PLXDC2: variants seen among roughly 807,000 people sequenced by gnomAD.
The protein encoded by PLXDC2 is plexin domain-containing protein 2.
Under a neutral mutation model 68.9 loss-of-function variants are expected in PLXDC2, and 40 were observed. The ratio of observed to expected loss-of-function variants is 0.58; its 90% CI spans 0.45 to 0.76. The LOEUF (loss-of-function observed/expected upper bound fraction) is 0.76, where lower values mean the gene tolerates loss of function less well. Ranked by LOEUF, PLXDC2 falls within the 30% of genes least tolerant of loss-of-function variation. The pLI, the probability that PLXDC2 is intolerant of heterozygous loss-of-function variation, is 0.00. For synonymous variants in PLXDC2, 243 were observed against 234.2 expected (o/e 1.04, Z -0.34); for missense variants, 644 against 661.9 (o/e 0.97, Z 0.30).
At chr10:19,871,971 T>C (rs1837547133) in intron 1 of PLXDC2, among the ~76,000 whole-genome samples, 1 of 152,120 alleles carries the variant, frequency 6.6e-6, no homozygotes, top group Admixed American at 6.5e-5. Flanking sequence ...AGCATTTCTG[T>C]CTTTTTTATT....
Position 20,227,382 on chromosome 10 carries a change from C to T in PLXDC2, c.1312+8280C>T, listed in dbSNP as rs550168906. On this transcript the variant is annotated intron_variant, in intron 12 of 13. Transcript: ENST00000377252. ...AATGAAATTACAAGAATAGGTGATA[C>T]TTGATCCAAGTTTTGAAGTATGGGC... 8.5e-5 allele frequency among the ~76,000 whole-genome samples: 13 copies of T among 152,198 alleles called. No homozygotes were observed. The East Asian group carries it at 2.5e-3, about 29-fold the overall frequency.
At chr10:20,033,373 A>G (rs1835531865) in intron 2 of PLXDC2, among the ~76,000 whole-genome samples, 1 of 152,028 alleles carries the variant, frequency 6.6e-6, no homozygotes, top group African/African-American at 2.4e-5. Flanking sequence ...ACATAAGGGG[A>G]TGCTGAAACA....
rs752630396 is a variant in PLXDC2 at position 20,001,816 on chromosome 10, G to C, written c.154G>C (p.Glu52Gln). The change falls in exon 2 of 14, where the codon GAG becomes CAG. Residue 52 changes from glutamate to glutamine, a missense_variant. This residue lies in a region of PLXDC2 where 201 missense variants were observed against 166.9 expected (regional missense o/e 1.20). Coordinates refer to ENST00000377252, the MANE Select transcript of PLXDC2 (RefSeq NM_032812.9). ...TACTCAGGCCTTCCCTCACACAGAG[G>C]AGGAGGTGGAAGTTGATTCACACGC... ...GVTQAFPHTE[E>Q]EVEVDSHAYS... 1 of 1,614,052 alleles carries C rather than the reference G, an allele frequency of 6.2e-7. No homozygotes were observed.
chr10:19,936,705 T>C (rs1833731046), intron 1 of PLXDC2, among the ~76,000 whole-genome samples: 1 of 152,192 alleles, frequency 6.6e-6, no homozygotes, highest in Non-Finnish European at 1.5e-5. Flanking sequence ...CATGGTGGAG[T>C]ATTTACGCCA....
chr10:20,224,021 C>T (rs967190009), intron 12 of PLXDC2, among the ~76,000 whole-genome samples: 3 of 147,424 alleles, frequency 2.0e-5, no homozygotes, highest in Non-Finnish European at 3.0e-5. Flanking sequence ...GTCCCCCAGG[C>T]TGGAGTGCAG....
At chr10:19,934,584 C>T (rs1833692952) in intron 1 of PLXDC2, among the ~76,000 whole-genome samples, 1 of 152,198 alleles carries the variant, frequency 6.6e-6, no homozygotes, top group Non-Finnish European at 1.5e-5. Flanking sequence ...CGACTCCATT[C>T]AATCTCCTAA....
intron 1 of PLXDC2, among the ~76,000 whole-genome samples, chr10:19,902,761 C>G (rs1452190997): frequency 1.3e-5 from 2 of 152,140 alleles, no homozygotes; most frequent in Non-Finnish European, 2.9e-5. Flanking sequence ...TGTTCTAGTT[C>G]TCAGGGAGAA....
chr10:19,950,015 T>G (rs1833966994), intron 1 of PLXDC2, among the ~76,000 whole-genome samples: 1 of 152,110 alleles, frequency 6.6e-6, no homozygotes, highest in Non-Finnish European at 1.5e-5. Flanking sequence ...GGAACATGCT[T>G]TAAAATAATA....
At chr10:20,126,925 T>C (rs1486399174) in intron 4 of PLXDC2, among the ~76,000 whole-genome samples, 1 of 148,332 alleles carries the variant, frequency 6.7e-6, no homozygotes, top group Non-Finnish European at 1.5e-5. Context: ...ATTATGTATG[T>C]ATATATTATG....
At chr10:20,234,164 A>T (rs554062917) in intron 12 of PLXDC2, among the ~76,000 whole-genome samples, 2 of 152,222 alleles carry the variant, frequency 1.3e-5, no homozygotes, top group East Asian at 3.9e-4. Context: ...GGGAACCTTA[A>T]CTTCTTCTTG....
intron 1 of PLXDC2, among the ~76,000 whole-genome samples, chr10:19,951,491 CAAAA>C (rs550058681): frequency 4.0e-5 from 6 of 151,868 alleles, no homozygotes; most frequent in African/African-American, 7.2e-5. Flanking sequence ...ATTTAAAAGT[CAAAA>C]AAACAACAGG....
chr10:19,820,516 C>T (rs896404388), intron 1 of PLXDC2, among the ~76,000 whole-genome samples: 2 of 151,934 alleles, frequency 1.3e-5, no homozygotes, highest in African/African-American at 4.8e-5. Context: ...CGCCTGTAGT[C>T]CCAGCTACTC....
intron 1 of PLXDC2, among the ~76,000 whole-genome samples, chr10:19,866,816 T>C (rs1837425241): frequency 6.6e-6 from 1 of 152,154 alleles, no homozygotes; most frequent in Non-Finnish European, 1.5e-5. Context: ...CATCAATACA[T>C]GGAGGTTATA....
At chr10:20,146,041 G>A (rs1372495342) in intron 5 of PLXDC2, among the ~76,000 whole-genome samples, 2 of 152,158 alleles carry the variant, frequency 1.3e-5, no homozygotes, top group African/African-American at 2.4e-5. Context: ...TATAGGAAAG[G>A]AAACGGGTTC....
chr10:20,257,663 C>T (rs1455316542), intron 13 of PLXDC2, among the ~76,000 whole-genome samples: 1 of 152,120 alleles, frequency 6.6e-6, no homozygotes. Flanking sequence ...AAGAACTACT[C>T]ATTAACATAA....
chr10:19,929,556 C>A (rs748670480), intron 1 of PLXDC2, among the ~76,000 whole-genome samples: 2 of 152,166 alleles, frequency 1.3e-5, no homozygotes, highest in African/African-American at 2.4e-5. Flanking sequence ...CTAAAGTGCC[C>A]TTGGATCTCT....
At chr10:20,090,580 T>A (rs1387683725) in intron 4 of PLXDC2, among the ~76,000 whole-genome samples, 4 of 152,160 alleles carry the variant, frequency 2.6e-5, no homozygotes, top group Non-Finnish European at 5.9e-5. Context: ...AAATATAATA[T>A]TTAAGGTACA....
intron 1 of PLXDC2, among the ~76,000 whole-genome samples, chr10:19,939,941 G>T (rs995673938): frequency 2.0e-5 from 3 of 151,872 alleles, no homozygotes; most frequent in Non-Finnish European, 2.9e-5. Context: ...ATTTGGAGTT[G>T]AGATGTCAAA....
chr10:20,081,297 A>G (rs962521242), intron 4 of PLXDC2, among the ~76,000 whole-genome samples: 1 of 152,174 alleles, frequency 6.6e-6, no homozygotes, highest in Non-Finnish European at 1.5e-5. Flanking sequence ...AATAGGAAGC[A>G]GGGAGGGGGA....
Sources: allele counts gnomAD v4.1 joint callset (sites outside exome capture counted in the v4.1 genomes callset), GRCh38; gene constraint gnomAD v4.1.1; regional missense constraint gnomAD v4.1.1; transcripts MANE v1.5; gene names NCBI Gene and HGNC (gene_info 2026-07-23, HGNC 2026-07-21).